Variants in LMTK2 observed in about 807,000 individuals in gnomAD.
LMTK2 encodes serine/threonine-protein kinase LMTK2.
LMTK2 carries 37 observed loss-of-function variants against 127.5 expected under a neutral mutation model. The observed-to-expected ratio is 0.29, with a 90% CI of 0.22 to 0.38. LMTK2 has a LOEUF of 0.38. Ranked by LOEUF, LMTK2 falls within the 10% of genes least tolerant of loss-of-function variation. The pLI is 1.00. For synonymous variants in LMTK2, 819 were observed against 810.1 expected (o/e 1.01, Z -0.19); for missense variants, 1,694 against 1,920.3 (o/e 0.88, Z 2.20).
At chr7:98,203,748 T>C in intron 12 of LMTK2, 42 bp downstream of exon 12, 1 of 1,609,450 alleles carries the variant, frequency 6.2e-7, no homozygotes, top group African/African-American at 1.3e-5. Context: ...AACTGAAAAA[T>C]TGAGTAATGT....
At chr7:98,196,006 A>G (rs765699188) in intron 11 of LMTK2, among the ~76,000 whole-genome samples, 3 of 152,150 alleles carry the variant, frequency 2.0e-5, no homozygotes, top group Non-Finnish European at 2.9e-5. Context: ...CCTGGGCAAC[A>G]TGGCGAAACC....
At chr7:98,130,576 CG>C (rs1562899287) in intron 1 of LMTK2, among the ~76,000 whole-genome samples, 1 of 152,098 alleles carries the variant, frequency 6.6e-6, no homozygotes, top group Admixed American at 6.5e-5. Context: ...AGGGTCTTTA[CG>C]GGGATGATCA....
chr7:98,149,489 C>G (rs1362981428), intron 3 of LMTK2, among the ~76,000 whole-genome samples: 1 of 152,222 alleles, frequency 6.6e-6, no homozygotes, highest in Non-Finnish European at 1.5e-5. Context: ...ACCATTTCCA[C>G]TGCTGTCACC....
chr7:98,126,805 G>T (rs1796451692), intron 1 of LMTK2: 1 of 152,216 alleles, frequency 6.6e-6, no homozygotes, highest in South Asian at 2.1e-4. Flanking sequence ...AAGTGTGAGG[G>T]AGCAGTTGGG....
intron 1 of LMTK2, among the ~76,000 whole-genome samples, chr7:98,107,925 T>C (rs9641225): frequency 0.056 from 8,597 of 152,160 alleles, 420 homozygotes; most frequent in East Asian, 0.19. Flanking sequence ...CAGTGTATGA[T>C]TTTCTTTTCT....
At position 98,159,182 on chromosome 7, in the gene LMTK2, G is replaced by A. The variant is rs530323044; in HGVS notation, c.570-156G>A. On this transcript the variant is annotated intron_variant, in intron 5 of 13. Coordinates refer to ENST00000297293, the MANE Select transcript of LMTK2 (RefSeq NM_014916.4). ...TATACACCTTTTAAGTATAATCTTC[G>A]TGATCTTTTTAGCCTGTCATTTATG... 7.9e-5 allele frequency among the ~76,000 whole-genome samples: 12 copies of A among 152,068 alleles called. No individual in the cohort carries two copies. In the South Asian group the frequency reaches 1.0e-3, roughly 13 times the overall value.
chr7:98,185,593 A>G (rs944170651), intron 8 of LMTK2, among the ~76,000 whole-genome samples: 1 of 152,178 alleles, frequency 6.6e-6, no homozygotes, highest in African/African-American at 2.4e-5. Context: ...GAAGAAGTCA[A>G]TGAAGTTTCC....
At position 98,193,241 on chromosome 7, in the gene LMTK2, C is replaced by G. The variant is rs750814510; in HGVS notation, c.2776C>G (p.His926Asp). 2 of 1,613,604 alleles carry G rather than the reference C, an allele frequency of 1.2e-6. No individual in the cohort carries two copies. Among genetic ancestry groups the G allele is most frequent in the East Asian group, 4.5e-5 (2 of 44,872 alleles). Residue 926 changes from histidine (H) to aspartate (D), a missense_variant, in exon 11 of 14, where the codon CAC (histidine) becomes GAC (aspartate). Physicochemically the swap from His to Asp is moderately conservative, Grantham distance 81 (BLOSUM62 -1). Coordinates refer to ENST00000297293, the MANE Select transcript of LMTK2 (RefSeq NM_014916.4). This position sits in a 1 kb window ranked among gnomAD's most constrained non-coding sequence, Gnocchi z 4.1. ...TCTCCCGGAACTGGGACAGGAATTG[C>G]ACAATAAACCATTTTCGGAAGACCA... ...SSLPELGQEL[H>D]NKPFSEDHHS...
intron 7 of LMTK2, among the ~76,000 whole-genome samples, chr7:98,179,522 G>A (rs1419358915): frequency 6.6e-6 from 1 of 152,100 alleles, no homozygotes; most frequent in Non-Finnish European, 1.5e-5. Context: ...AGTGGATAGA[G>A]CAGCCTTACT....
In LMTK2 at chr7:98,194,342, G is replaced by T. The variant is rs749590234; in HGVS notation, c.3877G>T (p.Asp1293Tyr). 3.7e-6 allele frequency: 6 copies of T among 1,614,114 alleles called. No individual in the cohort carries two copies. The highest frequency in any genetic ancestry group is 5.1e-6 in the Non-Finnish European group (6 of 1,179,998). The change falls in exon 11 of 14, where the codon GAC becomes TAC. Residue 1293 changes from aspartate (D) to tyrosine (Y), a missense_variant. Coordinates refer to ENST00000297293, the MANE Select transcript of LMTK2 (RefSeq NM_014916.4). The surrounding 1 kb of genome is among the most constrained non-coding windows in gnomAD (Gnocchi z 5.4). ...AGACGAGGAGGACGAAAACAGCGAC[G>T]ACTCGGACGAGGACCTGCGGGCCTT... The part of the protein sequence containing the change: ...DADEEDENSD[D>Y]SDEDLRAFNL...
rs752386098 is a variant in LMTK2, at chr7:98,190,818, T to TAG, written c.1099_1100dup (p.Asp367GlufsTer42). ...ACTTAGATGTCCTCAACCAAGTCAT[T>TAG]AGAGAGAGAGACACAAAACTCCCGA... On this transcript the variant is annotated frameshift_variant, in exon 10 of 14. Transcript: ENST00000297293. LOFTEE classifies it high-confidence loss of function. 2 of 1,613,896 alleles carry TAG rather than the reference T, an allele frequency of 1.2e-6. No individual in the cohort carries two copies. The highest frequency in any genetic ancestry group is 8.5e-7 in the Non-Finnish European group (1 of 1,179,934).
intron 4 of LMTK2, among the ~76,000 whole-genome samples, chr7:98,152,427 T>C (rs116650272): frequency 1.6e-3 from 241 of 152,360 alleles, no homozygotes; most frequent in African/African-American, 5.5e-3. Context: ...GTATCTTTCA[T>C]GTCCTCCCAA....
Position 98,171,522 on chromosome 7 carries a change from C to T in LMTK2, c.658-19C>T. ...TTCCTGTGGCTCGTTTGGAAACTCA[C>T]ACGGGCTGACTTTTGCAGGGTGACC... is the stretch of plus-strand genomic sequence containing the variant. On this transcript the variant is annotated intron_variant, in intron 6 of 13. Transcript: ENST00000297293. The surrounding 1 kb of genome is among the most constrained non-coding windows in gnomAD (Gnocchi z 5.1). The T allele has an allele frequency of 2.5e-6, 4 of 1,613,920 alleles. No individual in the cohort carries two copies. Among genetic ancestry groups the T allele is most frequent in the Non-Finnish European group, 2.5e-6 (3 of 1,180,044 alleles).
At chr7:98,124,730 G>A (rs961732372) in intron 1 of LMTK2, among the ~76,000 whole-genome samples, 1 of 151,990 alleles carries the variant, frequency 6.6e-6, no homozygotes, top group Non-Finnish European at 1.5e-5. Context: ...AAGCTGCAGT[G>A]AGCTATGATT....
rs371508931 is a variant in LMTK2 at position 98,204,056 on chromosome 7, G to A, written c.4353G>A (p.Pro1451=). The A allele has an allele frequency of 4.4e-5, 71 of 1,613,814 alleles. No individual in the cohort carries two copies. The highest frequency in any genetic ancestry group is 3.3e-4 in the Middle Eastern group (2 of 6,084). Reference sequence around the variant, plus strand: ...TCCAAACATCCAAGTACTTTTCTCCGCCGCCACCGGCCCGGAGCACGGAGC... The same window carrying A: ...TCCAAACATCCAAGTACTTTTCTCCACCGCCACCGGCCCGGAGCACGGAGC... ...PSLQTSKYFS[P]PPPARSTEQS... is the part of the protein sequence containing the mutation. The change falls in exon 13 of 14, where the codon CCG becomes CCA. Residue 1451 remains proline (P), a synonymous_variant. Coordinates refer to ENST00000297293, the MANE Select transcript of LMTK2 (RefSeq NM_014916.4).
chr7:98,161,024 C>G (rs1053490467), intron 6 of LMTK2, among the ~76,000 whole-genome samples: 2 of 152,104 alleles, frequency 1.3e-5, no homozygotes, highest in African/African-American at 4.8e-5. Context: ...TTAAATCTTG[C>G]AATCGTGGTC....
intron 4 of LMTK2, among the ~76,000 whole-genome samples, chr7:98,153,917 T>C (rs1796891590): frequency 6.6e-6 from 1 of 152,196 alleles, no homozygotes; most frequent in African/African-American, 2.4e-5. Context: ...TTGTTCTCCA[T>C]TTTTCTGTCC....
chr7:98,150,746 C>T (rs1796840965), intron 3 of LMTK2, among the ~76,000 whole-genome samples: 1 of 152,094 alleles, frequency 6.6e-6, no homozygotes, highest in African/African-American at 2.4e-5. Context: ...GTAAGCCATA[C>T]CATCGAAAAA....
At chr7:98,133,277 CT>C (rs900402192) in intron 1 of LMTK2, among the ~76,000 whole-genome samples, 3 of 152,160 alleles carry the variant, frequency 2.0e-5, no homozygotes, top group African/African-American at 7.2e-5. Flanking sequence ...CTTCTCAGTG[CT>C]GTAGGCTGCA....
Sources: gnomAD v4.1 joint callset for allele counts (sites outside exome capture counted in the v4.1 genomes callset) on GRCh38, gnomAD v4.1.1 for gene constraint, Gnocchi (gnomAD v3.1) non-coding constraint, MANE v1.5 for transcripts, NCBI Gene and HGNC (gene_info 2026-07-23, HGNC 2026-07-21) for gene names.